Variants in ENY2 observed in about 807,000 individuals in gnomAD.
The protein encoded by ENY2 is ENY2 transcription and export complex 2 subunit, also known as transcription and mRNA export factor ENY2.
ENY2 carries 4 observed loss-of-function variants against 15.9 expected under a neutral mutation model. That is an observed-to-expected ratio of 0.25 (90% CI 0.12 to 0.57). The LOEUF is 0.57. ENY2 is among the 20% of genes least tolerant of loss of function. ENY2 has a pLI of 0.91. For synonymous variants in ENY2, 48 were observed against 38.0 expected (o/e 1.26, Z -0.97); for missense variants, 54 against 117.2 (o/e 0.46, Z 2.49).
rs539333304 is a variant in ENY2, at chr8:109,334,614, C to T, written c.6+140C>T. The T allele has an allele frequency of 3.0e-6, 3 of 1,010,364 alleles. No homozygotes were observed. The South Asian group carries it at 5.1e-5, about 17-fold the overall frequency. The allele number at this position is 1,010,364 out of a possible 1,614,324, so 62.6% of individuals were successfully genotyped here. A position where few individuals can be genotyped will look rare whatever the true frequency, so the allele number is the denominator to read the frequency against. On this transcript the variant is annotated intron_variant, in intron 1 of 4. Transcript: ENST00000521688. ...CGACAGGGCGTGCTACCGGAGTTGG[C>T]CTGAAACCAGTCCTCGCTTTGTTTT... is the stretch of plus-strand genomic sequence containing the variant.
intron 1 of ENY2, 82 bp from the exon 2 acceptor site, chr8:109,336,046 C>CTA: frequency 7.9e-7 from 1 of 1,258,600 alleles, no homozygotes; most frequent in Non-Finnish European, 1.1e-6. Context: ...GAATGGTAAA[C>CTA]ATGTTAGGAT....
intron 2 of ENY2, chr8:109,336,715 A>AACAATCT (rs1250725873): frequency 1.3e-5 from 2 of 152,894 alleles, no homozygotes; most frequent in African/African-American, 4.8e-5. Context: ...ATTGTGTTCT[A>AACAATCT]ACAATCTACT....
At chr8:109,334,678 C>T in intron 1 of ENY2, 1 of 594,796 alleles carries the variant, frequency 1.7e-6, no homozygotes, top group Non-Finnish European at 2.9e-6. Context: ...TGTCTCCGCC[C>T]TGTTCTATTT....
chr8:109,339,647 C>CT (rs752369475), intron 3 of ENY2: 23 of 386,150 alleles, frequency 6.0e-5, no homozygotes, highest in Admixed American at 8.5e-5. Flanking sequence ...CTTTCAGCAA[C>CT]TTTATTGTTT....
Position 109,334,366 on chromosome 8 carries a change from C to A in ENY2, c.-103C>A. On this transcript the variant is annotated 5_prime_UTR_variant, in exon 1 of 5. Transcript: ENST00000521688. ...CTTTCTGTGTGCTTAGGTGCCCGAG[C>A]TACTGAGGGTCTAAGTCCGGGCAGC... 2 of 1,546,862 alleles carry A rather than the reference C, an allele frequency of 1.3e-6. No individual in the cohort carries two copies. The highest frequency in any genetic ancestry group is 1.8e-6 in the Non-Finnish European group (2 of 1,126,654).
rs1358926554 is a variant in ENY2, at chr8:109,336,221, G to T, written c.83+17G>T. On this transcript the variant is annotated intron_variant, in intron 2 of 4. Transcript: ENST00000521688. ...AAGAGAACGGTAAGTAATAGATTGT[G>T]TTAATAAATTACATTTCACCGCCTT... 2 of 1,595,714 alleles carry T rather than the reference G, an allele frequency of 1.3e-6. No individual in the cohort carries two copies. Among genetic ancestry groups the T allele is most frequent in the East Asian group, 2.3e-5 (1 of 44,326 alleles).
intron 4 of ENY2, 23 bp from the exon 5 acceptor site, chr8:109,343,382 A>AT (rs749679679): frequency 1.9e-6 from 3 of 1,587,224 alleles, no homozygotes; most frequent in Non-Finnish European, 8.6e-7. Flanking sequence ...TCTTACTCTT[A>AT]TTTTTTTATT....
In ENY2 at chr8:109,343,919, T is replaced by C. The variant is rs954153863; in HGVS notation, c.*438T>C. ...GTCTTATTCGTATTGTTTATAAACT[T>C]TGAGGGTTAGGACTGGGTCTTACTC... On this transcript the variant is annotated 3_prime_UTR_variant, in exon 5 of 5. Transcript: ENST00000521688. The C allele has an allele frequency of 2.0e-5, 3 of 153,172 alleles. No individual in the cohort carries two copies. The highest frequency in any genetic ancestry group is 7.2e-5 in the African/African-American group (3 of 41,458). The allele number at this position is 153,172 out of a possible 1,614,324, so 9.5% of individuals were successfully genotyped here. A position where few individuals can be genotyped will look rare whatever the true frequency, so the allele number is the denominator to read the frequency against.
At chr8:109,339,087 AC>A in intron 2 of ENY2, 1 of 550,816 alleles carries the variant, frequency 1.8e-6, no homozygotes, top group South Asian at 2.4e-5. Flanking sequence ...TAGCCCCTCC[AC>A]TTCATTTAAT....
chr8:109,336,455 A>C, intron 2 of ENY2: 1 of 380,670 alleles, frequency 2.6e-6, no homozygotes, highest in Non-Finnish European at 4.8e-6. Flanking sequence ...GAAAAAGTAC[A>C]TACCTGAATT....
chr8:109,334,709 G>C, intron 1 of ENY2: 1 of 561,732 alleles, frequency 1.8e-6, no homozygotes, highest in Non-Finnish European at 3.1e-6. Flanking sequence ...TGTCTGAACT[G>C]GGAGGGATAC....
intron 4 of ENY2, 73 bp downstream of exon 4, chr8:109,340,636 ATT>A: frequency 6.3e-7 from 1 of 1,579,098 alleles, no homozygotes; most frequent in Non-Finnish European, 8.6e-7. Flanking sequence ...GCTGGTTCAG[ATT>A]TTCTTTCTGT....
chr8:109,340,256 G>A (rs1816084659), intron 3 of ENY2: 1 of 497,658 alleles, frequency 2.0e-6, no homozygotes, highest in South Asian at 2.2e-5. Context: ...TTTATTGTAA[G>A]TGTCACAATT....
chr8:109,335,975 G>T, intron 1 of ENY2, 153 bp from the exon 2 acceptor site: 1 of 662,688 alleles, frequency 1.5e-6, no homozygotes, highest in African/African-American at 1.8e-5. Context: ...GCACATAAGT[G>T]TTTAATAAAG....
intron 2 of ENY2, chr8:109,339,102 A>G (rs766022421): frequency 4.3e-5 from 24 of 558,512 alleles, no homozygotes; most frequent in Non-Finnish European, 7.3e-5. Context: ...ATTTAATTTC[A>G]CTCATTAAAT....
At chr8:109,336,970 T>C (rs973242535) in intron 2 of ENY2, among the ~76,000 whole-genome samples, 1 of 151,850 alleles carries the variant, frequency 6.6e-6, no homozygotes, top group African/African-American at 2.4e-5. Context: ...AGGGGGAATC[T>C]TTCAACTCAA....
At chr8:109,337,264 G>A (rs1816006024) in intron 2 of ENY2, among the ~76,000 whole-genome samples, 1 of 151,920 alleles carries the variant, frequency 6.6e-6, no homozygotes, top group Non-Finnish European at 1.5e-5. Flanking sequence ...TGTAGAAACA[G>A]CAACCCTCAA....
rs1586332998 is a variant in ENY2 at position 109,344,924 on chromosome 8, C to A, written c.*1443C>A. Reference sequence around the variant, plus strand: ...AATTCAAGTCTGGTTATTTTATTCCCCTGCTTGGAATTTCTCAATGTAGAA... The same window carrying A: ...AATTCAAGTCTGGTTATTTTATTCCACTGCTTGGAATTTCTCAATGTAGAA... On this transcript the variant is annotated 3_prime_UTR_variant, in exon 5 of 5. Coordinates refer to ENST00000521688, the MANE Select transcript of ENY2 (RefSeq NM_020189.6). The A allele has an allele frequency of 6.6e-6, 1 of 152,136 alleles. No individual in the cohort carries two copies. The highest frequency in any genetic ancestry group is 6.5e-5 in the Admixed American group (1 of 15,274). The allele number at this position is 152,136 out of a possible 1,614,324, so 9.4% of individuals were successfully genotyped here.
rs9297424 is a variant in ENY2, at chr8:109,345,080, C to G, written c.*1599C>G. ...CTTTGAACCCAGAAGCCCCCTTTCT[C>G]ATATGTTTCTCATTCCTGTTTGCCC... On this transcript the variant is annotated 3_prime_UTR_variant, in exon 5 of 5. Coordinates refer to ENST00000521688, the MANE Select transcript of ENY2 (RefSeq NM_020189.6). The G allele has an allele frequency of 0.13, 19,993 of 152,202 alleles. 1,506 individuals carry two copies. The highest frequency in any genetic ancestry group is 0.17 in the Non-Finnish European group (11,841 of 68,028). The allele number at this position is 152,202 out of a possible 1,614,324, so 9.4% of individuals were successfully genotyped here. A position where few individuals can be genotyped will look rare whatever the true frequency, so the allele number is the denominator to read the frequency against.
Sources: gnomAD v4.1 joint callset for allele counts (sites outside exome capture counted in the v4.1 genomes callset) on GRCh38, gnomAD v4.1.1 for gene constraint, MANE v1.5 for transcripts, NCBI Gene and HGNC (gene_info 2026-07-23, HGNC 2026-07-21) for gene names.